Variants in UCHL1 observed in about 807,000 individuals in gnomAD.
UCHL1 encodes ubiquitin C-terminal hydrolase L1.
Under a neutral mutation model 33.3 loss-of-function variants are expected in UCHL1, and 5 were observed. The observed-to-expected ratio is 0.15, with a 90% CI of 0.08 to 0.32. UCHL1 has a LOEUF of 0.32. UCHL1 is among the 10% of genes least tolerant of loss of function. The pLI is 1.00. For missense variants in UCHL1, 236 were observed against 280.0 expected, an observed-to-expected ratio of 0.84 and a Z score of 1.12; for synonymous variants, 132 against 108.8, an observed-to-expected ratio of 1.21 and a Z score of -1.33.
intron 2 of UCHL1, 94 bp from the exon 3 acceptor site, chr4:41,257,515 C>T: frequency 1.5e-6 from 2 of 1,359,168 alleles, no homozygotes; most frequent in Non-Finnish European, 1.9e-6. Flanking sequence ...CGGGTGCGGG[C>T]GCGGAGGGCG....
In UCHL1 at chr4:41,257,772, G is replaced by A. The variant is rs763818311; in HGVS notation, c.174+35G>A. On this transcript the variant is annotated intron_variant, in intron 3 of 8. Coordinates refer to ENST00000284440, the MANE Select transcript of UCHL1 (RefSeq NM_004181.5). ...GGGGCCCAGGATGCGCCGGCCGCCG[G>A]CAGTGCACGCCGCTCCCCAGCTTGA... 1.2e-5 allele frequency: 18 copies of A among 1,544,704 alleles called. No homozygotes were observed. The South Asian group carries it at 1.9e-4, about 16-fold the overall frequency.
In UCHL1 at chr4:41,267,983, C is replaced by A. The variant is rs1431899503; in HGVS notation, c.586-4C>A. ...TGGATTTTAATGACATTTCTCCTTT[C>A]CAGGACGCTGCCAAGGTCTGCAGAG... On this transcript the variant is annotated splice_polypyrimidine_tract_variant and splice_region_variant and intron_variant, in intron 8 of 8. Coordinates refer to ENST00000284440, the MANE Select transcript of UCHL1 (RefSeq NM_004181.5). The A allele has an allele frequency of 6.2e-6, 10 of 1,612,434 alleles. No homozygotes were observed. Among genetic ancestry groups the A allele is most frequent in the Non-Finnish European group, 8.5e-6 (10 of 1,179,236 alleles).
chr4:41,257,555 T>C (rs560256408), intron 2 of UCHL1, 54 bp from the exon 3 acceptor site: 1 of 1,448,278 alleles, frequency 6.9e-7, no homozygotes, highest in African/African-American at 1.5e-5. Context: ...CCCTGGCAGG[T>C]GCCCGCGACC....
intron 6 of UCHL1, 52 bp from the exon 7 acceptor site, chr4:41,263,173 T>C: frequency 7.0e-7 from 1 of 1,426,050 alleles, no homozygotes; most frequent in Non-Finnish European, 9.9e-7. Context: ...TGCAAGATAA[T>C]TTTTAAAATA....
chr4:41,259,627 T>C (rs1359264768), intron 3 of UCHL1, among the ~76,000 whole-genome samples: 1 of 152,248 alleles, frequency 6.6e-6, no homozygotes. Flanking sequence ...AATAGGTTTC[T>C]GATGGTCTGT....
intron 2 of UCHL1, 141 bp downstream of exon 2, chr4:41,257,267 G>A: frequency 7.5e-7 from 1 of 1,329,596 alleles, no homozygotes; most frequent in Non-Finnish European, 1.0e-6. Context: ...TGGGCTGGGC[G>A]CCTTTCCTGG....
Position 41,256,929 on chromosome 4 carries a change from G to C in UCHL1, c.-48G>C, listed in dbSNP as rs763516024. ...AGCTGCAGCCTGGGCGGCTCCGCTA[G>C]CTGTTTTTCGTCTTCCCTAGGCTAT... On this transcript the variant is annotated 5_prime_UTR_variant, in exon 1 of 9. Transcript: ENST00000284440. The C allele has an allele frequency of 6.2e-7, 1 of 1,613,862 alleles. No homozygotes were observed. Among genetic ancestry groups the C allele is most frequent in the South Asian group, 1.1e-5 (1 of 91,076 alleles).
intron 2 of UCHL1, 45 bp downstream of exon 2, chr4:41,257,171 G>A (rs1446728881): frequency 2.5e-6 from 4 of 1,611,002 alleles, no homozygotes; most frequent in Non-Finnish European, 3.4e-6. Context: ...CCCCGCGAGC[G>A]CCGAGGCGGG....
At position 41,256,930 on chromosome 4, in the gene UCHL1, C is replaced by T. The variant is rs752001613; in HGVS notation, c.-47C>T. ...GCTGCAGCCTGGGCGGCTCCGCTAG[C>T]TGTTTTTCGTCTTCCCTAGGCTATT... On this transcript the variant is annotated 5_prime_UTR_variant, in exon 1 of 9. Coordinates refer to ENST00000284440, the MANE Select transcript of UCHL1 (RefSeq NM_004181.5). 30 of 1,613,806 alleles carry T rather than the reference C, an allele frequency of 1.9e-5. No individual in the cohort carries two copies. Among genetic ancestry groups the T allele is most frequent in the Admixed American group, 5.0e-5 (3 of 60,014 alleles).
chr4:41,264,137 C>T lies in UCHL1; in HGVS notation c.561C>T (p.Ala187=), dbSNP rs2154087268. ...GRMPFPVNHG[A]SSEDTLLKDA... is the part of the protein sequence containing the mutation. ...TGCCTTTTCCGGTGAACCATGGCGCCAGTTCAGAGGACACCCTGCTGAAGG... is the reference window on the plus strand; with the variant it reads ...TGCCTTTTCCGGTGAACCATGGCGCTAGTTCAGAGGACACCCTGCTGAAGG... Residue 187 remains alanine (A), a synonymous_variant, in exon 8 of 9, where the codon GCC becomes GCT. Transcript: ENST00000284440. The T allele has an allele frequency of 1.2e-6, 2 of 1,614,188 alleles. No homozygotes were observed. The highest frequency in any genetic ancestry group is 1.1e-5 in the South Asian group (1 of 91,086).
At chr4:41,257,808 GCTCCC>G (rs1781006468) in intron 3 of UCHL1, 71 bp downstream of exon 3, 1 of 1,511,120 alleles carries the variant, frequency 6.6e-7, no homozygotes, top group South Asian at 1.2e-5. Context: ...GTCCTCGGGG[GCTCCC>G]CGCCCCGCCC....
intron 8 of UCHL1, among the ~76,000 whole-genome samples, chr4:41,265,464 G>C (rs112185308): frequency 0.05 from 7,558 of 152,256 alleles, 262 homozygotes; most frequent in South Asian, 0.11. Flanking sequence ...TGTAGTCCCA[G>C]CTGCTTGGGA....
In UCHL1 at chr4:41,257,620, G is replaced by C. The variant is rs370928430; in HGVS notation, c.57G>C (p.Arg19=). 2 of 1,553,458 alleles carry C rather than the reference G, an allele frequency of 1.3e-6. No individual in the cohort carries two copies. The highest frequency in any genetic ancestry group is 2.7e-5 in the African/African-American group (2 of 73,226). Residue 19 remains arginine, a synonymous_variant, in exon 3 of 9, where the codon CGG becomes CGC. Coordinates refer to ENST00000284440, the MANE Select transcript of UCHL1 (RefSeq NM_004181.5). ...TCTCCTCTCCGCAGGTGCTGTCCCG[G>C]CTGGGGGTCGCCGGCCAGTGGCGCT... The part of the protein sequence containing the change: ...NPEMLNKVLS[R]LGVAGQWRFV...
intron 8 of UCHL1, among the ~76,000 whole-genome samples, chr4:41,265,163 C>T (rs930758): frequency 0.19 from 29,615 of 152,120 alleles, 3,445 homozygotes; most frequent in East Asian, 0.52. Context: ...AGGTGATCTA[C>T]GTCTTTTATA....
chr4:41,260,830 G>C, intron 4 of UCHL1, 33 bp downstream of exon 4: 1 of 1,614,000 alleles, frequency 6.2e-7, no homozygotes, highest in Non-Finnish European at 8.5e-7. Flanking sequence ...GCCATCCTAA[G>C]CTTGAACTTG....
chr4:41,264,735 C>A (rs1274584787), intron 8 of UCHL1, among the ~76,000 whole-genome samples: 1 of 152,140 alleles, frequency 6.6e-6, no homozygotes, highest in Non-Finnish European at 1.5e-5. Context: ...TGGTAGACGA[C>A]CCTAGGCCTC....
intron 6 of UCHL1, 81 bp downstream of exon 6, chr4:41,262,004 G>A (rs1781077537): frequency 4.5e-6 from 7 of 1,565,474 alleles, no homozygotes; most frequent in East Asian, 2.3e-5. Flanking sequence ...ATCTCTTACT[G>A]GAACACAGCA....
At chr4:41,257,266 C>A (rs891064904) in intron 2 of UCHL1, 140 bp downstream of exon 2, 182 of 1,362,946 alleles carry the variant, frequency 1.3e-4, no homozygotes, top group Non-Finnish European at 1.7e-4. Flanking sequence ...GTGGGCTGGG[C>A]GCCTTTCCTG....
At chr4:41,257,810 T>TCCCCGCC (rs1561079538) in intron 3 of UCHL1, 73 bp downstream of exon 3, 16 of 1,507,290 alleles carry the variant, frequency 1.1e-5, no homozygotes, top group African/African-American at 2.8e-5. Flanking sequence ...CCTCGGGGGC[T>TCCCCGCC]CCCCGCCCCG....
Sources: gnomAD v4.1 joint callset for allele counts (sites outside exome capture counted in the v4.1 genomes callset) on GRCh38, gnomAD v4.1.1 for gene constraint, MANE v1.5 for transcripts, NCBI Gene and HGNC (gene_info 2026-07-23, HGNC 2026-07-21) for gene names.